The following HTR7 variants were observed in gnomAD, a reference collection of about 807,000 sequenced individuals.
HTR7 encodes the protein 5-hydroxytryptamine receptor 7, also known as 5-HT-7.
In HTR7, 16 loss-of-function variants were observed where a neutral mutation model predicts 34.0. That is an observed-to-expected ratio of 0.47 (90% CI 0.32 to 0.71). HTR7 has a LOEUF of 0.71. Ranked by LOEUF, HTR7 falls within the 30% of genes least tolerant of loss-of-function variation. The probability of loss-of-function intolerance (pLI) is 0.04; values close to 1 mark genes in which losing one functional copy is unlikely to be tolerated. For missense variants in HTR7, 504 were observed against 625.5 expected (o/e 0.81, Z 2.07); for synonymous variants, 265 against 260.2 (o/e 1.02, Z -0.18).
intron 1 of HTR7, among the ~76,000 whole-genome samples, chr10:90,813,876 G>A (rs1041565359): frequency 5.3e-5 from 8 of 152,182 alleles, no homozygotes; most frequent in Non-Finnish European, 1.2e-4. Flanking sequence ...CACCAGCTAT[G>A]TAAACATCGC....
chr10:90,742,445 AT>A lies in HTR7; in HGVS notation c.*36del. ...ATGACTTCCTTCTGTTTCCACCTCTATTTTGCCTTGTTTATTTCATCTCCAT... is the reference window on the plus strand; with the variant it reads ...ATGACTTCCTTCTGTTTCCACCTCTATTTGCCTTGTTTATTTCATCTCCAT... On this transcript the variant is annotated 3_prime_UTR_variant, in exon 4 of 4. Coordinates refer to ENST00000336152, the MANE Select transcript of HTR7 (RefSeq NM_019859.4). 1 of 1,546,430 alleles carries A rather than the reference AT, an allele frequency of 6.5e-7. No individual in the cohort carries two copies. Among genetic ancestry groups the A allele is most frequent in the Non-Finnish European group, 8.9e-7 (1 of 1,129,226 alleles).
At chr10:90,825,757 A>T (rs1846062702) in intron 1 of HTR7, among the ~76,000 whole-genome samples, 1 of 152,242 alleles carries the variant, frequency 6.6e-6, no homozygotes, top group South Asian at 2.1e-4. Context: ...CTGACCAAGT[A>T]TCAGAAAGAA....
At chr10:90,815,798 T>C (rs956335198) in intron 1 of HTR7, among the ~76,000 whole-genome samples, 1 of 151,990 alleles carries the variant, frequency 6.6e-6, no homozygotes, top group African/African-American at 2.4e-5. Flanking sequence ...GAGTGGAGAG[T>C]AAAAGCTAGA....
At chr10:90,790,477 A>T (rs1254165566) in intron 1 of HTR7, among the ~76,000 whole-genome samples, 1 of 152,184 alleles carries the variant, frequency 6.6e-6, no homozygotes, top group East Asian at 1.9e-4. Context: ...ATCCTCTGGC[A>T]TTTGTGTGTT....
chr10:90,751,103 C>T (rs769443713), intron 1 of HTR7, among the ~76,000 whole-genome samples: 3 of 152,140 alleles, frequency 2.0e-5, no homozygotes, highest in East Asian at 1.9e-4. Flanking sequence ...TGCAAACTTC[C>T]GCCTCCCCTT....
intron 1 of HTR7, among the ~76,000 whole-genome samples, chr10:90,799,149 A>G (rs1022119960): frequency 2.6e-5 from 4 of 152,142 alleles, no homozygotes; most frequent in African/African-American, 4.8e-5. Flanking sequence ...CCTATCCAGG[A>G]ACTAACAGTG....
At chr10:90,757,964 A>T (rs1161968042) in intron 1 of HTR7, among the ~76,000 whole-genome samples, 1 of 152,218 alleles carries the variant, frequency 6.6e-6, no homozygotes, top group Non-Finnish European at 1.5e-5. Flanking sequence ...AGATAAAAAG[A>T]GACTGCTAAG....
chr10:90,756,908 A>G (rs1001749499), intron 1 of HTR7, among the ~76,000 whole-genome samples: 3 of 152,278 alleles, frequency 2.0e-5, no homozygotes, highest in Admixed American at 1.3e-4. Flanking sequence ...CAATTATACA[A>G]AGTCATGAAA....
At chr10:90,782,605 GA>G (rs976827138) in intron 1 of HTR7, among the ~76,000 whole-genome samples, 1 of 151,958 alleles carries the variant, frequency 6.6e-6, no homozygotes, top group African/African-American at 2.4e-5. Flanking sequence ...TCTTCCAGAG[GA>G]AAGGCATTCT....
chr10:90,825,936 A>C (rs2120029717), intron 1 of HTR7, among the ~76,000 whole-genome samples: 1 of 152,290 alleles, frequency 6.6e-6, no homozygotes. Flanking sequence ...TAGGGATTGA[A>C]AGTTTATTCA....
Position 90,749,626 on chromosome 10 carries a change from C to A in HTR7, c.540-32G>T. The A allele has an allele frequency of 6.4e-7, 1 of 1,572,126 alleles. No homozygotes were observed. Among genetic ancestry groups the A allele is most frequent in the Admixed American group, 1.7e-5 (1 of 57,486 alleles). ...GAGAGATGGAAAGATAACAGATGAA[C>A]ACCGTGATCATAACTGGTCAACCAA... On this transcript the variant is annotated intron_variant, in intron 1 of 3. Transcript: ENST00000336152. The surrounding 1 kb of genome is among the most constrained non-coding windows in gnomAD (Gnocchi z 4.2).
chr10:90,792,898 C>CA (rs138472923), intron 1 of HTR7, among the ~76,000 whole-genome samples: 14,791 of 151,296 alleles, frequency 0.098, 1,208 homozygotes, highest in African/African-American at 0.22. Flanking sequence ...AAATTAACGA[C>CA]AAAAAAAATG....
intron 1 of HTR7, among the ~76,000 whole-genome samples, chr10:90,780,536 C>CAAAA (rs57590024): frequency 7.3e-4 from 52 of 70,960 alleles, no homozygotes; most frequent in African/African-American, 2.4e-3. Context: ...GACTCCATCT[C>CAAAA]AAAAAAAAAA....
intron 2 of HTR7, chr10:90,743,973 G>T: frequency 1.7e-6 from 1 of 579,778 alleles, no homozygotes; most frequent in South Asian, 1.6e-5. Flanking sequence ...GGGGAGAAAT[G>T]GGTAAATATT....
chr10:90,850,019 G>A (rs1846474220), intron 1 of HTR7, among the ~76,000 whole-genome samples: 1 of 152,244 alleles, frequency 6.6e-6, no homozygotes, highest in South Asian at 2.1e-4. Context: ...TCCAGGTAAA[G>A]AGCCTCAGCA....
intron 1 of HTR7, among the ~76,000 whole-genome samples, chr10:90,827,511 A>T (rs1846096682): frequency 6.6e-6 from 1 of 151,506 alleles, no homozygotes; most frequent in Non-Finnish European, 1.5e-5. Context: ...AAAGACACAC[A>T]TAAACTGAAA....
intron 1 of HTR7, among the ~76,000 whole-genome samples, chr10:90,768,938 G>T (rs1333423438): frequency 1.3e-5 from 2 of 152,140 alleles, no homozygotes; most frequent in East Asian, 3.8e-4. Context: ...GTTGGCCAAG[G>T]CTCGTGTTCA....
intron 1 of HTR7, among the ~76,000 whole-genome samples, chr10:90,800,422 TA>T (rs1275574470): frequency 6.6e-6 from 1 of 152,166 alleles, no homozygotes; most frequent in African/African-American, 2.4e-5. Context: ...TGACAAGGGA[TA>T]GATTAGCCAC....
At chr10:90,811,170 G>A (rs936591631) in intron 1 of HTR7, among the ~76,000 whole-genome samples, 4 of 152,072 alleles carry the variant, frequency 2.6e-5, no homozygotes, top group Admixed American at 1.3e-4. Flanking sequence ...CTGTGCAGTC[G>A]GAATTCTTAC....
Sources: allele counts gnomAD v4.1 joint callset (sites outside exome capture counted in the v4.1 genomes callset), GRCh38; gene constraint gnomAD v4.1.1; non-coding constraint Gnocchi (gnomAD v3.1); transcripts MANE v1.5; gene names NCBI Gene and HGNC (gene_info 2026-07-23, HGNC 2026-07-21).